Variants in TMEM132D observed in about 807,000 individuals in gnomAD.
TMEM132D encodes transmembrane protein 132D.
TMEM132D carries 21 observed loss-of-function variants against 62.3 expected under a neutral mutation model. The ratio of observed to expected loss-of-function variants is 0.34; its 90% CI spans 0.24 to 0.49. TMEM132D has a LOEUF of 0.49. TMEM132D is among the 20% of genes least tolerant of loss of function. The probability of loss-of-function intolerance (pLI) is 0.99; values close to 1 mark genes in which losing one functional copy is unlikely to be tolerated. For missense variants in TMEM132D, 1,346 were observed against 1,402.8 expected (o/e 0.96, Z 0.65); for synonymous variants, 621 against 575.6 (o/e 1.08, Z -1.13).
chr12:129,429,387 G>A (rs1021227865), intron 3 of TMEM132D, among the ~76,000 whole-genome samples: 7 of 152,176 alleles, frequency 4.6e-5, no homozygotes, highest in East Asian at 3.9e-4. Flanking sequence ...TTGTTTGTTT[G>A]TTTGTCATTG....
At chr12:129,468,043 G>A (rs901887629) in intron 3 of TMEM132D, among the ~76,000 whole-genome samples, 1 of 152,178 alleles carries the variant, frequency 6.6e-6, no homozygotes, top group Admixed American at 6.5e-5. Context: ...GAACAGCTGA[G>A]GACAGAATTG....
chr12:129,143,121 C>A (rs536889062), intron 5 of TMEM132D, among the ~76,000 whole-genome samples: 137 of 152,166 alleles, frequency 9.0e-4, no homozygotes, highest in African/African-American at 3.2e-3. Context: ...GGGCTCAGTC[C>A]CATAAGACTG....
chr12:129,315,823 T>C (rs1868471331), intron 4 of TMEM132D, among the ~76,000 whole-genome samples: 2 of 152,132 alleles, frequency 1.3e-5, no homozygotes, highest in Admixed American at 1.3e-4. Flanking sequence ...TTGCTGCTTG[T>C]TATTGGTCTG....
intron 1 of TMEM132D, among the ~76,000 whole-genome samples, chr12:129,737,260 A>T (rs1263678169): frequency 2.0e-5 from 3 of 152,208 alleles, no homozygotes; most frequent in Non-Finnish European, 4.4e-5. Flanking sequence ...CAGGTGTGAT[A>T]ACCAAAAATG....
At chr12:129,177,884 A>G (rs1877948953) in intron 5 of TMEM132D, among the ~76,000 whole-genome samples, 1 of 152,184 alleles carries the variant, frequency 6.6e-6, no homozygotes, top group South Asian at 2.1e-4. Context: ...TATTAAGCCC[A>G]GTGTCCATTA....
intron 1 of TMEM132D, among the ~76,000 whole-genome samples, chr12:129,892,048 C>A (rs1874940398): frequency 6.6e-6 from 1 of 152,102 alleles, no homozygotes; most frequent in African/African-American, 2.4e-5. Flanking sequence ...ACAGACAGAA[C>A]AAGGATAGAA....
At chr12:129,713,780 C>A (rs753828033) in intron 1 of TMEM132D, among the ~76,000 whole-genome samples, 1 of 152,178 alleles carries the variant, frequency 6.6e-6, no homozygotes, top group Non-Finnish European at 1.5e-5. Flanking sequence ...ACTCATCTAC[C>A]CAGCAGGCTT....
At chr12:129,312,682 T>A (rs1307657985) in intron 4 of TMEM132D, among the ~76,000 whole-genome samples, 2 of 152,152 alleles carry the variant, frequency 1.3e-5, no homozygotes, top group Admixed American at 1.3e-4. Flanking sequence ...CCATTCTCCC[T>A]GCATCAGCCT....
intron 5 of TMEM132D, among the ~76,000 whole-genome samples, chr12:129,099,435 G>A (rs1157946328): frequency 1.3e-5 from 2 of 152,168 alleles, no homozygotes; most frequent in African/African-American, 2.4e-5. Context: ...AGAAGTCTGA[G>A]CTTTCTGGTG....
intron 3 of TMEM132D, among the ~76,000 whole-genome samples, chr12:129,510,025 A>C (rs1273188652): frequency 6.6e-6 from 1 of 152,120 alleles, no homozygotes; most frequent in East Asian, 1.9e-4. Flanking sequence ...CTCTAGTTTT[A>C]GTTTTCTAAT....
chr12:129,524,382 G>A (rs1400063754), intron 3 of TMEM132D, among the ~76,000 whole-genome samples: 2 of 152,020 alleles, frequency 1.3e-5, no homozygotes, highest in Non-Finnish European at 1.5e-5. Flanking sequence ...GTAACATATC[G>A]TACATGCTAC....
At chr12:129,742,130 C>T (rs570523307) in intron 1 of TMEM132D, among the ~76,000 whole-genome samples, 22 of 152,158 alleles carry the variant, frequency 1.4e-4, no homozygotes, top group East Asian at 7.7e-4. Flanking sequence ...TCCAATGAAA[C>T]GAGTTTTAAG....
intron 4 of TMEM132D, among the ~76,000 whole-genome samples, chr12:129,244,373 G>T (rs112384378): frequency 8.3e-6 from 1 of 121,048 alleles, no homozygotes; most frequent in African/African-American, 3.2e-5. Flanking sequence ...GCGACAGAGC[G>T]AGACTCTGTC....
At chr12:129,260,836 G>C (rs1399486633) in intron 4 of TMEM132D, among the ~76,000 whole-genome samples, 1 of 152,174 alleles carries the variant, frequency 6.6e-6, no homozygotes, top group Non-Finnish European at 1.5e-5. Context: ...TGCTGGAAAA[G>C]ACATTGTATC....
intron 3 of TMEM132D, among the ~76,000 whole-genome samples, chr12:129,502,496 C>G (rs2137068328): frequency 6.6e-6 from 1 of 152,040 alleles, no homozygotes; most frequent in Non-Finnish European, 1.5e-5. Flanking sequence ...GACTCATGTA[C>G]ATGAAAAGTC....
intron 1 of TMEM132D, among the ~76,000 whole-genome samples, chr12:129,811,120 T>C (rs1198106399): frequency 1.3e-5 from 2 of 151,768 alleles, no homozygotes; most frequent in Non-Finnish European, 2.9e-5. Flanking sequence ...TAACAAGAAA[T>C]TTGTCATATC....
At chr12:129,420,315 T>TTTTTTG (rs1872272844) in intron 3 of TMEM132D, among the ~76,000 whole-genome samples, 4 of 58,134 alleles carry the variant, frequency 6.9e-5, no homozygotes, top group African/African-American at 2.0e-4. Context: ...TGTTTTTTTT[T>TTTTTTG]TTTTTTTTTT....
At chr12:129,755,120 A>AT (rs757710858) in intron 1 of TMEM132D, among the ~76,000 whole-genome samples, 22 of 152,198 alleles carry the variant, frequency 1.4e-4, no homozygotes, top group Admixed American at 2.6e-4. Flanking sequence ...TTGCCACTGG[A>AT]TTGGAGTTCA....
At chr12:129,591,108 A>G (rs1286641248) in intron 2 of TMEM132D, among the ~76,000 whole-genome samples, 1 of 152,226 alleles carries the variant, frequency 6.6e-6, no homozygotes, top group African/African-American at 2.4e-5. Context: ...AAGGCATGAA[A>G]GAAAGAGGTA....
Sources: gnomAD v4.1 joint callset for allele counts (sites outside exome capture counted in the v4.1 genomes callset) on GRCh38, gnomAD v4.1.1 for gene constraint, MANE v1.5 for transcripts, NCBI Gene and HGNC (gene_info 2026-07-23, HGNC 2026-07-21) for gene names.